The following EDA variants were observed in gnomAD, a reference collection of about 807,000 sequenced individuals.
EDA encodes the protein ectodysplasin-A.
Under a neutral mutation model 23.6 loss-of-function variants are expected in EDA, and 2 were observed. That is an observed-to-expected ratio of 0.08 (90% CI 0.03 to 0.27). EDA has a LOEUF of 0.27. Among genes scored for constraint, EDA ranks in the 10% least tolerant of loss-of-function variants. The pLI, the probability that EDA is intolerant of heterozygous loss-of-function variation, is 1.00. For synonymous variants in EDA, 131 were observed against 132.0 expected (o/e 0.99, Z 0.05); for missense variants, 229 against 324.2 (o/e 0.71, Z 2.26).
intron 1 of EDA, among the ~76,000 whole-genome samples, chrX:69,811,862 G>C (rs1338030187): frequency 9.0e-6 from 1 of 111,711 alleles, no homozygotes; most frequent in African/African-American, 3.3e-5. Context: ...TTCCTGTGCT[G>C]GTTGTGCCTT....
chrX:69,736,380 T>C (rs1452722317), intron 1 of EDA, among the ~76,000 whole-genome samples: 1 of 110,980 alleles, frequency 9.0e-6, no homozygotes, highest in Non-Finnish European at 1.9e-5. Flanking sequence ...ATTCTGTCAC[T>C]CAGTAGTGGT....
At chrX:69,970,782 C>T (rs993717821) in intron 2 of EDA, among the ~76,000 whole-genome samples, 3 of 110,997 alleles carry the variant, frequency 2.7e-5, no homozygotes, top group Non-Finnish European at 5.7e-5. Context: ...TTGCTGTCAA[C>T]GAAGTAGACC....
intron 1 of EDA, among the ~76,000 whole-genome samples, chrX:69,754,753 C>T (rs2804379): frequency 9.1e-6 from 1 of 110,251 alleles, no homozygotes; most frequent in Non-Finnish European, 1.9e-5. Flanking sequence ...TGGAGACTTT[C>T]TTTCTTTTTA....
chrX:69,831,654 A>C (rs922632120), intron 1 of EDA, among the ~76,000 whole-genome samples: 1 of 112,444 alleles, frequency 8.9e-6, no homozygotes, highest in South Asian at 3.7e-4. Flanking sequence ...CAATGGTTGA[A>C]CTAATTTGCA....
chrX:69,687,779 G>A, intron 1 of EDA: 1 of 111,706 alleles, frequency 9.0e-6, no homozygotes, highest in South Asian at 3.8e-4. Flanking sequence ...ACTGAGGGAT[G>A]CATTGATGCA....
intron 1 of EDA, chrX:69,937,062 G>C: frequency 1.8e-6 from 1 of 543,299 alleles, no homozygotes. Flanking sequence ...CGGGGGGAAG[G>C]GACTGTCTGT....
At chrX:69,679,248 A>T (rs1355883022) in intron 1 of EDA, among the ~76,000 whole-genome samples, 2 of 105,243 alleles carry the variant, frequency 1.9e-5, no homozygotes, top group African/African-American at 6.9e-5. Context: ...GGATTTTTGC[A>T]TCGATGTTCA....
chrX:69,945,336 G>A (rs183859149), intron 1 of EDA, among the ~76,000 whole-genome samples: 50 of 111,690 alleles, frequency 4.5e-4, no homozygotes, highest in Middle Eastern at 4.6e-3. Flanking sequence ...AAACTGTTTG[G>A]TTAGTTACCT....
intron 1 of EDA, among the ~76,000 whole-genome samples, chrX:69,768,577 A>G (rs2014537888): frequency 9.0e-6 from 1 of 111,635 alleles, no homozygotes; most frequent in Non-Finnish European, 1.9e-5. Context: ...ACACAATAAT[A>G]TACTGTCTTG....
intron 2 of EDA, among the ~76,000 whole-genome samples, chrX:69,990,616 G>T (rs1404601736): frequency 9.0e-6 from 1 of 111,085 alleles, no homozygotes; most frequent in Non-Finnish European, 1.9e-5. Flanking sequence ...GTGTGAATGG[G>T]GTGGGGCCAC....
At position 69,791,085 on chromosome X, in the gene EDA, T is replaced by C. The variant is rs753266117; in HGVS notation, c.397-165942T>C. 1.2e-4 allele frequency among the ~76,000 whole-genome samples: 13 copies of C among 111,465 alleles called. No individual in the cohort carries two copies. In the South Asian group the frequency reaches 4.9e-3, roughly 42 times the overall value. On this transcript the variant is annotated intron_variant, in intron 1 of 7. Transcript: ENST00000374552. ...TGAAAAATTCAAACATATACACAGG[T>C]AGATTAGTATGATGGAATGGACTCC...
At chrX:69,875,310 A>G (rs779448737) in intron 1 of EDA, among the ~76,000 whole-genome samples, 18 of 111,939 alleles carry the variant, frequency 1.6e-4, no homozygotes, top group African/African-American at 4.9e-4. Flanking sequence ...AGAATAGAGA[A>G]CCTAGAAATA....
At chrX:69,617,135 A>G (rs1051551804) in intron 1 of EDA, 17 of 247,176 alleles carry the variant, frequency 6.9e-5, no homozygotes, top group Admixed American at 3.2e-4. Context: ...AGCTGTAAAC[A>G]GCTGTAATAA....
chrX:69,825,892 T>C (rs2016414710), intron 1 of EDA, among the ~76,000 whole-genome samples: 1 of 109,934 alleles, frequency 9.1e-6, no homozygotes, highest in African/African-American at 3.3e-5. Context: ...GATTCTGGTA[T>C]GTTGTGTCTT....
At chrX:69,718,825 G>A (rs895045909) in intron 1 of EDA, among the ~76,000 whole-genome samples, 4 of 111,345 alleles carry the variant, frequency 3.6e-5, no homozygotes, top group African/African-American at 9.8e-5. Flanking sequence ...AAATGAGTTA[G>A]GAAGTATTAC....
intron 1 of EDA, among the ~76,000 whole-genome samples, chrX:69,865,980 G>A (rs1348278114): frequency 1.8e-5 from 2 of 112,426 alleles, no homozygotes; most frequent in Non-Finnish European, 3.8e-5. Context: ...AAAAGAAGTA[G>A]GAAATATTCA....
intron 1 of EDA, among the ~76,000 whole-genome samples, chrX:69,667,423 A>G (rs1933724437): frequency 9.1e-6 from 1 of 110,151 alleles, no homozygotes; most frequent in Non-Finnish European, 1.9e-5. Context: ...GTCTCTTTTA[A>G]TTTCTTAAGT....
intron 1 of EDA, among the ~76,000 whole-genome samples, chrX:69,760,041 G>A (rs1251012624): frequency 9.2e-6 from 1 of 108,290 alleles, no homozygotes; most frequent in Non-Finnish European, 1.9e-5. Context: ...CCCTAGATCT[G>A]GAGAATGCTG....
chrX:69,916,359 A>G (rs188269115), intron 1 of EDA, among the ~76,000 whole-genome samples: 2 of 106,930 alleles, frequency 1.9e-5, no homozygotes, highest in East Asian at 2.9e-4. Context: ...ATTTTGGTAC[A>G]TGCCACCAGA....
Sources: allele counts gnomAD v4.1 joint callset (sites outside exome capture counted in the v4.1 genomes callset), GRCh38; gene constraint gnomAD v4.1.1; transcripts MANE v1.5; gene names NCBI Gene and HGNC (gene_info 2026-07-23, HGNC 2026-07-21).